Variants in RB1CC1 observed in about 807,000 individuals in gnomAD.
RB1CC1 encodes the protein RB1-inducible coiled-coil protein 1.
Under a neutral mutation model 177.5 loss-of-function variants are expected in RB1CC1, and 46 were observed. The observed-to-expected ratio is 0.26, with a 90% confidence interval of 0.20 to 0.33. RB1CC1 has a LOEUF of 0.33. Ranked by LOEUF, RB1CC1 falls within the 10% of genes least tolerant of loss-of-function variation. The probability of loss-of-function intolerance (pLI) is 1.00; values close to 1 mark genes in which losing one functional copy is unlikely to be tolerated. For missense variants in RB1CC1, 1,703 were observed against 1,816.3 expected (o/e 0.94, Z 1.13); for synonymous variants, 666 against 613.6 (o/e 1.09, Z -1.26).
chr8:52,658,247 C>T, intron 13 of RB1CC1, 123 bp from the exon 14 acceptor site: 1 of 1,117,470 alleles, frequency 8.9e-7, no homozygotes, highest in Non-Finnish European at 1.2e-6. Flanking sequence ...AAATTAATAC[C>T]AGAAGTATTT....
intron 15 of RB1CC1, among the ~76,000 whole-genome samples, chr8:52,647,615 G>A (rs1252553237): frequency 6.6e-6 from 1 of 152,110 alleles, no homozygotes; most frequent in African/African-American, 2.4e-5. Context: ...CTGCTTGGCC[G>A]ATTTCTTCCT....
chr8:52,674,791 C>G (rs900824858), intron 6 of RB1CC1, among the ~76,000 whole-genome samples: 1 of 151,294 alleles, frequency 6.6e-6, no homozygotes, highest in African/African-American at 2.4e-5. Flanking sequence ...AAAAAACACT[C>G]TAAAGTAAAG....
chr8:52,657,227 G>T lies in RB1CC1; in HGVS notation c.2602C>A (p.Leu868Met). 1 of 1,595,148 alleles carries T rather than the reference G, an allele frequency of 6.3e-7. No homozygotes were observed. Among genetic ancestry groups the T allele is most frequent in the Non-Finnish European group, 8.6e-7 (1 of 1,165,550 alleles). The change falls in exon 15 of 24, where the codon CTG becomes ATG. Residue 868 changes from leucine (L) to methionine (M), a missense_variant. By Grantham distance (15) the Leu-to-Met change is conservative. Transcript: ENST00000025008. Reference protein sequence around the residue: ...TLKEKHQKELLSLKNEYEGKL... With the variant: ...TLKEKHQKELMSLKNEYEGKL... ...CCTTCATATTCATTTTTTAAAGACA[G>T]TAGTTCTTTTTGATGTTTTTCTTTT...
intron 20 of RB1CC1, among the ~76,000 whole-genome samples, 179 bp from the exon 21 acceptor site, chr8:52,630,707 G>C (rs1015661620): frequency 6.6e-6 from 1 of 150,988 alleles, no homozygotes; most frequent in Admixed American, 6.6e-5. Context: ...AGTAAATTTG[G>C]TTAGATTAAA....
intron 1 of RB1CC1, among the ~76,000 whole-genome samples, chr8:52,691,472 C>T (rs1318036966): frequency 6.6e-6 from 1 of 152,122 alleles, no homozygotes; most frequent in African/African-American, 2.4e-5. Context: ...ACAATTTAAA[C>T]TATTTTAAGG....
Position 52,622,483 on chromosome 8 carries a change from T to C in RB1CC1, c.*1299A>G, listed in dbSNP as rs1848127027. The C allele has an allele frequency of 6.6e-6, 1 of 151,792 alleles. No individual in the cohort carries two copies. The highest frequency in any genetic ancestry group is 2.1e-4 in the South Asian group (1 of 4,834). The allele number at this position is 151,792 out of a possible 1,614,324, so 9.4% of individuals were successfully genotyped here. A position where few individuals can be genotyped will look rare whatever the true frequency, so the allele number is the denominator to read the frequency against. On this transcript the variant is annotated 3_prime_UTR_variant, in exon 24 of 24. Coordinates refer to ENST00000025008, the MANE Select transcript of RB1CC1 (RefSeq NM_014781.5). ...TGAAATCATTTGTTCATTTATTCAT[T>C]AACTTGTCAAATTCAGTTTTCTATA...
intron 19 of RB1CC1, 100 bp from the exon 20 acceptor site, chr8:52,635,068 T>A (rs988854821): frequency 9.0e-7 from 1 of 1,109,078 alleles, no homozygotes; most frequent in African/African-American, 1.6e-5. Context: ...AATGTTTGGT[T>A]CGGGTATGAA....
chr8:52,668,106 T>C lies in RB1CC1; in HGVS notation c.1088A>G (p.Lys363Arg). ...KLDNQNMKAI[K>R]GLEDRLYALD... ...GGCGTAGAGCCGATCTTCAAGTCCT[T>C]TAATGGCTTTCATATTCTGATTATC... Residue 363 changes from lysine (K) to arginine (R), a missense_variant, in exon 8 of 24, where the codon AAA becomes AGA. By Grantham distance (26) the Lys-to-Arg change is conservative. This residue lies in a region of RB1CC1 where 315 missense variants were observed against 304.9 expected (regional missense o/e 1.03). Coordinates refer to ENST00000025008, the MANE Select transcript of RB1CC1 (RefSeq NM_014781.5). 6.2e-7 allele frequency: 1 copy of C among 1,614,190 alleles called. No individual in the cohort carries two copies.
At chr8:52,644,566 T>TA (rs1849846250) in intron 16 of RB1CC1, among the ~76,000 whole-genome samples, 1 of 152,198 alleles carries the variant, frequency 6.6e-6, no homozygotes, top group Non-Finnish European at 1.5e-5. Flanking sequence ...TGTTAATTCT[T>TA]ACTTAAAACT....
intron 16 of RB1CC1, 40 bp from the exon 17 acceptor site, chr8:52,642,852 A>G (rs762408047): frequency 4.1e-6 from 6 of 1,464,114 alleles, no homozygotes; most frequent in Non-Finnish European, 5.4e-6. Context: ...ATCTACATGT[A>G]CTTAGCAGCT....
Position 52,673,929 on chromosome 8 carries a change from G to C in RB1CC1, c.918C>G (p.Val306=), listed in dbSNP as rs747705015. The part of the protein sequence containing the change: ...TKDGDLPFFN[V]SLLDWINVQD... ...GAACATTTATCCAGTCTAACAAAGA[G>C]ACATTAAAAAAGGGCAGATCACCAT... is the stretch of plus-strand genomic sequence containing the variant. Residue 306 remains valine (V), a synonymous_variant, in exon 7 of 24, where the codon GTC becomes GTG. Coordinates refer to ENST00000025008, the MANE Select transcript of RB1CC1 (RefSeq NM_014781.5). 3 of 1,614,044 alleles carry C rather than the reference G, an allele frequency of 1.9e-6. No individual in the cohort carries two copies. The highest frequency in any genetic ancestry group is 2.5e-6 in the Non-Finnish European group (3 of 1,179,998).
intron 6 of RB1CC1, 126 bp downstream of exon 6, chr8:52,676,243 T>C: frequency 1.2e-6 from 1 of 800,772 alleles, no homozygotes; most frequent in Non-Finnish European, 2.0e-6. Flanking sequence ...CAGAAAAGGC[T>C]CAAAGAATAA....
At chr8:52,631,137 G>A (rs1045855606) in intron 20 of RB1CC1, among the ~76,000 whole-genome samples, 1 of 152,150 alleles carries the variant, frequency 6.6e-6, no homozygotes, top group African/African-American at 2.4e-5. Flanking sequence ...GTGAGAAAAG[G>A]AGAAGGCAGA....
chr8:52,675,704 A>G (rs958316621), intron 6 of RB1CC1, among the ~76,000 whole-genome samples: 6 of 127,240 alleles, frequency 4.7e-5, no homozygotes, highest in African/African-American at 1.8e-4. Flanking sequence ...CCCCATCTCT[A>G]CTAAAAATCC....
At chr8:52,663,587 A>G (rs1280977212) in intron 8 of RB1CC1, among the ~76,000 whole-genome samples, 1 of 152,170 alleles carries the variant, frequency 6.6e-6, no homozygotes, top group Non-Finnish European at 1.5e-5. Flanking sequence ...AAATGTGTTT[A>G]GCAAGATGTA....
intron 1 of RB1CC1, among the ~76,000 whole-genome samples, chr8:52,688,234 G>T (rs1056925031): frequency 6.6e-6 from 1 of 152,138 alleles, no homozygotes; most frequent in African/African-American, 2.4e-5. Flanking sequence ...CATAAGGTCT[G>T]ACTGCCTGCA....
intron 16 of RB1CC1, among the ~76,000 whole-genome samples, chr8:52,643,676 A>G (rs1393832268): frequency 6.9e-6 from 1 of 145,282 alleles, no homozygotes; most frequent in African/African-American, 2.6e-5. Flanking sequence ...ATGACAGAGT[A>G]AGACCCTGTC....
At chr8:52,647,086 T>G (rs1261230745) in intron 15 of RB1CC1, among the ~76,000 whole-genome samples, 1 of 152,190 alleles carries the variant, frequency 6.6e-6, no homozygotes, top group Non-Finnish European at 1.5e-5. Flanking sequence ...TCTTATGTAA[T>G]TTCCTCATCT....
rs763416876 is a variant in RB1CC1, at chr8:52,658,074, A to G, written c.1844T>C (p.Leu615Pro). 6.2e-7 allele frequency: 1 copy of G among 1,614,056 alleles called. No homozygotes were observed. Among genetic ancestry groups the G allele is most frequent in the Non-Finnish European group, 8.5e-7 (1 of 1,179,968 alleles). Residue 615 changes from leucine (L) to proline (P), a missense_variant, in exon 14 of 24, where the codon CTA becomes CCA. This residue lies in a region of RB1CC1 where 1,169 missense variants were observed against 1,184.7 expected (regional missense o/e 0.99). Coordinates refer to ENST00000025008, the MANE Select transcript of RB1CC1 (RefSeq NM_014781.5). ...TTGTGCTGCTTTTACCAAATTATGT[A>G]GAGCAAGTACATGCTGGTGTAGAGG... Reference protein sequence around the residue: ...FEPLHQHVLALHNLVKAAQSL... With the variant: ...FEPLHQHVLAPHNLVKAAQSL...
Sources: gnomAD v4.1 joint callset for allele counts (sites outside exome capture counted in the v4.1 genomes callset) on GRCh38, gnomAD v4.1.1 for gene constraint, gnomAD v4.1.1 regional missense constraint, MANE v1.5 for transcripts, NCBI Gene and HGNC (gene_info 2026-07-23, HGNC 2026-07-21) for gene names.